The following HERC4 variants were observed in gnomAD, a reference collection of about 807,000 sequenced individuals.
HERC4 encodes the protein HECT and RLD domain containing E3 ubiquitin protein ligase 4.
In HERC4, 28 loss-of-function variants were observed where a neutral mutation model predicts 124.3. The observed-to-expected ratio is 0.23, with a 90% CI of 0.17 to 0.31. The LOEUF is 0.31. HERC4 is among the 10% of genes least tolerant of loss of function. HERC4 has a pLI of 1.00. For missense variants in HERC4, 713 were observed against 1,229.3 expected (o/e 0.58, Z 6.28); for synonymous variants, 407 against 421.5 (o/e 0.97, Z 0.42).
intron 8 of HERC4, among the ~76,000 whole-genome samples, chr10:68,020,046 C>A (rs1403748534): frequency 6.6e-6 from 1 of 152,136 alleles, no homozygotes; most frequent in African/African-American, 2.4e-5. Flanking sequence ...CATTAAAAAG[C>A]AACCACATTT....
intron 15 of HERC4, among the ~76,000 whole-genome samples, chr10:67,985,034 T>C (rs1025704453): frequency 1.3e-5 from 2 of 152,216 alleles, no homozygotes; most frequent in Non-Finnish European, 2.9e-5. Context: ...TATACGTTTT[T>C]GAAAAGAAAT....
intron 3 of HERC4, among the ~76,000 whole-genome samples, chr10:68,057,782 C>A (rs1323407091): frequency 6.6e-6 from 1 of 151,794 alleles, no homozygotes; most frequent in African/African-American, 2.4e-5. Context: ...TCACTGCAAC[C>A]ACCACCTTCT....
chr10:67,931,943 T>G (rs1162937450), intron 23 of HERC4, among the ~76,000 whole-genome samples: 1 of 152,114 alleles, frequency 6.6e-6, no homozygotes, highest in East Asian at 1.9e-4. Flanking sequence ...AAAATTATTT[T>G]TATCTACTTT....
Position 68,010,732 on chromosome 10 carries a change from G to A in HERC4, c.1069+3294C>T, listed in dbSNP as rs558986355. 16 of 1,488,108 alleles carry A rather than the reference G, an allele frequency of 1.1e-5. No individual in the cohort carries two copies. The South Asian group carries it at 1.7e-4, about 15-fold the overall frequency. The allele number at this position is 1,488,108 out of a possible 1,614,324, so 92.2% of individuals were successfully genotyped here. A position where few individuals can be genotyped will look rare whatever the true frequency, so the allele number is the denominator to read the frequency against. Reference sequence around the variant, plus strand: ...GCTGTTGAGCCTCAAAGAGGCAGATGGTCGTTTGGCTGAACATATTCCCAA... The same window carrying A: ...GCTGTTGAGCCTCAAAGAGGCAGATAGTCGTTTGGCTGAACATATTCCCAA... On this transcript the variant is annotated intron_variant, in intron 9 of 24. Coordinates refer to ENST00000373700, the MANE Select transcript of HERC4 (RefSeq NM_015601.4).
intron 4 of HERC4, among the ~76,000 whole-genome samples, chr10:68,038,757 T>C (rs544660760): frequency 6.6e-6 from 1 of 152,346 alleles, no homozygotes; most frequent in East Asian, 1.9e-4. Context: ...TTCACAGTTA[T>C]AACAATCATT....
At chr10:67,954,346 G>A (rs1335298160) in intron 19 of HERC4, 2 of 323,088 alleles carry the variant, frequency 6.2e-6, no homozygotes, top group Admixed American at 4.8e-5. Flanking sequence ...TCAGCAGAAG[G>A]AATAGTCAAC....
rs2132305930 is a variant in HERC4 at position 67,955,133 on chromosome 10, G to A, written c.2026-3C>T. On this transcript the variant is annotated splice_polypyrimidine_tract_variant and splice_region_variant and intron_variant, in intron 17 of 24. Coordinates refer to ENST00000373700, the MANE Select transcript of HERC4 (RefSeq NM_015601.4). ...CTGTGGGCCTGATCAATAGCCATCT[G>A]GAAAACAAAAGATTAACATTTTAAC... is the stretch of plus-strand genomic sequence containing the variant. 1.9e-6 allele frequency: 3 copies of A among 1,569,592 alleles called. No individual in the cohort carries two copies. The highest frequency in any genetic ancestry group is 1.4e-5 in the African/African-American group (1 of 71,152).
chr10:67,968,805 T>G (rs752513189), intron 15 of HERC4, among the ~76,000 whole-genome samples: 1 of 152,170 alleles, frequency 6.6e-6, no homozygotes, highest in Non-Finnish European at 1.5e-5. Flanking sequence ...CTTGAAAATA[T>G]ATGAAAGAGA....
intron 23 of HERC4, among the ~76,000 whole-genome samples, chr10:67,930,103 G>A (rs1277448262): frequency 6.6e-6 from 1 of 151,860 alleles, no homozygotes; most frequent in African/African-American, 2.4e-5. Context: ...ACCGCGCCCG[G>A]CCCAGCTGTG....
rs758125569 is a variant in HERC4, at chr10:67,925,118, C to T, written c.2908G>A (p.Glu970Lys). ...TGTTTCTTCTTTTCCAATGGTAATT[C>T]GTGAAATACTTCCCAAAAAATTTTT... ...TIKIFWEVFH[E>K]LPLEKKKQFL... The change falls in exon 24 of 25, where the codon GAA (glutamate) becomes AAA (lysine). Residue 970 changes from glutamate (E) to lysine (K), a missense_variant. By Grantham distance (56) the Glu-to-Lys change is moderately conservative. Coordinates refer to ENST00000373700, the MANE Select transcript of HERC4 (RefSeq NM_015601.4). The T allele has an allele frequency of 1.3e-4, 206 of 1,601,320 alleles. No individual in the cohort carries two copies. The highest frequency in any genetic ancestry group is 1.7e-4 in the Non-Finnish European group (200 of 1,168,744).
chr10:68,025,289 G>C lies in HERC4; in HGVS notation c.908+257C>G, dbSNP rs201493387. ...AGAAAGAAAGAAGCCTTTCGAGTGT[G>C]ATATCAACTACAATAAATATAATAT... On this transcript the variant is annotated intron_variant, in intron 8 of 24. Transcript: ENST00000373700. Among the ~76,000 whole-genome samples, 4 of 152,156 alleles carry C rather than the reference G, an allele frequency of 2.6e-5. No homozygotes were observed. The East Asian group carries it at 5.8e-4, about 22-fold the overall frequency.
intron 15 of HERC4, among the ~76,000 whole-genome samples, chr10:67,979,318 C>G (rs2035788673): frequency 6.6e-6 from 1 of 151,738 alleles, no homozygotes; most frequent in South Asian, 2.1e-4. Flanking sequence ...AATTCTGGAG[C>G]TGAAAAAATG....
chr10:68,032,744 G>A lies in HERC4; in HGVS notation c.777+34C>T, dbSNP rs754903616. On this transcript the variant is annotated intron_variant, in intron 7 of 24. Coordinates refer to ENST00000373700, the MANE Select transcript of HERC4 (RefSeq NM_015601.4). ...TCATTAATTATGAAAGAACTATGAT[G>A]AGTAATAATAAAGAAGTTTTAGAAG... The A allele has an allele frequency of 1.2e-5, 12 of 1,020,910 alleles. No individual in the cohort carries two copies. The East Asian group carries it at 2.9e-4, about 24-fold the overall frequency. 63.2% of individuals were successfully genotyped at this position (1,020,910 alleles called of 1,614,324 possible).
chr10:67,935,445 T>C (rs930267254), intron 22 of HERC4, among the ~76,000 whole-genome samples: 2 of 152,108 alleles, frequency 1.3e-5, no homozygotes, highest in African/African-American at 4.8e-5. Flanking sequence ...GTGCGGGGCC[T>C]ATGGATTTAC....
At chr10:67,992,154 T>C in intron 11 of HERC4, 45 bp downstream of exon 11, 1 of 1,579,890 alleles carries the variant, frequency 6.3e-7, no homozygotes, top group Non-Finnish European at 8.7e-7. Flanking sequence ...GGTGCTGGGA[T>C]TACAGGCATG....
intron 9 of HERC4, among the ~76,000 whole-genome samples, chr10:67,999,418 T>C (rs2037095494): frequency 6.6e-6 from 1 of 152,200 alleles, no homozygotes; most frequent in South Asian, 2.1e-4. Context: ...TCCTACAAGC[T>C]ACAGGCCAGT....
intron 9 of HERC4, among the ~76,000 whole-genome samples, chr10:68,004,826 C>T (rs1438963784): frequency 6.6e-6 from 1 of 152,166 alleles, no homozygotes; most frequent in African/African-American, 2.4e-5. Context: ...CTCATTATTA[C>T]AAGAACAGCA....
chr10:67,942,291 T>G (rs1315225384), intron 19 of HERC4, among the ~76,000 whole-genome samples: 2 of 152,202 alleles, frequency 1.3e-5, no homozygotes, highest in African/African-American at 4.8e-5. Flanking sequence ...GTTAAACACT[T>G]TTAGCACAGT....
chr10:67,933,678 T>C (rs1361510664), intron 22 of HERC4, among the ~76,000 whole-genome samples: 2 of 152,186 alleles, frequency 1.3e-5, no homozygotes, highest in Non-Finnish European at 2.9e-5. Flanking sequence ...AACAGCTTTA[T>C]TTTTATCAAA....
Sources: gnomAD v4.1 joint callset for allele counts (sites outside exome capture counted in the v4.1 genomes callset) on GRCh38, gnomAD v4.1.1 for gene constraint, MANE v1.5 for transcripts, NCBI Gene and HGNC (gene_info 2026-07-23, HGNC 2026-07-21) for gene names.